HNF4G: variants seen among roughly 807,000 people sequenced by gnomAD.
HNF4G encodes hepatocyte nuclear factor 4-gamma.
A neutral mutation model predicts 50.9 loss-of-function variants in HNF4G; 21 were observed. The ratio of observed to expected loss-of-function variants is 0.41; its 90% CI spans 0.29 to 0.59. The LOEUF (loss-of-function observed/expected upper bound fraction) is 0.59, where lower values mean the gene tolerates loss of function less well. Ranked by LOEUF, HNF4G falls within the 20% of genes least tolerant of loss-of-function variation. The probability of loss-of-function intolerance (pLI) is 0.26; values close to 1 mark genes in which losing one functional copy is unlikely to be tolerated. For missense variants in HNF4G, 527 were observed against 559.4 expected (o/e 0.94, Z 0.58); for synonymous variants, 198 against 185.6 (o/e 1.07, Z -0.54).
intron 2 of HNF4G, among the ~76,000 whole-genome samples, chr8:75,523,476 C>T (rs921396658): frequency 1.4e-4 from 21 of 152,054 alleles, no homozygotes; most frequent in Admixed American, 6.6e-5. Context: ...ATTTCCCAGT[C>T]ATACACACAA....
In HNF4G at chr8:75,549,708, A is replaced by G. The variant is rs2130798567; in HGVS notation, c.383-1680A>G. ...TGTGCCATGCTGGTGTGCTGCACCC[A>G]TTAACTCATCATTTAGCATTAGGTA... On this transcript the variant is annotated intron_variant, in intron 3 of 9. Transcript: ENST00000396423. 1.3e-5 allele frequency among the ~76,000 whole-genome samples: 2 copies of G among 152,060 alleles called. 1 individual carries two copies.
At position 75,427,080 on chromosome 8, in the gene HNF4G, G is replaced by A. The variant is rs114137727; in HGVS notation, c.-144+18918G>A. Reference sequence around the variant, plus strand: ...ATTGCTATTACATGAGAAGTGAGGTGATAATAAGTAATCTTTTTAGACCAG... The same window carrying A: ...ATTGCTATTACATGAGAAGTGAGGTAATAATAAGTAATCTTTTTAGACCAG... On this transcript the variant is annotated intron_variant, in intron 1 of 10. Coordinates refer to the HNF4G transcript ENST00000354370. Among the ~76,000 whole-genome samples, 1,518 of 151,956 alleles carry A rather than the reference G, an allele frequency of 1.0e-2. 29 individuals are homozygous for A. The highest frequency in any genetic ancestry group is 0.035 in the African/African-American group (1,448 of 41,448).
rs942108641 is a variant in HNF4G at position 75,455,911 on chromosome 8, G to A, written c.-143-34178G>A. ...TCACAAAAAAAAGTCAAACCAAAAC[G>A]GAAAGGTCTTAATTTAATTAACTAA... On this transcript the variant is annotated intron_variant, in intron 1 of 10. Transcript: ENST00000354370. Among the ~76,000 whole-genome samples the A allele has an allele frequency of 5.3e-5, 8 of 152,036 alleles. No homozygotes were observed. The South Asian group carries it at 1.0e-3, about 20-fold the overall frequency.
At chr8:75,514,712 T>G (rs2130733453) in intron 2 of HNF4G, among the ~76,000 whole-genome samples, 1 of 152,252 alleles carries the variant, frequency 6.6e-6, no homozygotes, top group South Asian at 2.1e-4. Context: ...TAAAGCAGGG[T>G]TTTGTTACTG....
chr8:75,439,012 G>A (rs1416923444), intron 1 of HNF4G, among the ~76,000 whole-genome samples: 1 of 151,750 alleles, frequency 6.6e-6, no homozygotes, highest in African/African-American at 2.4e-5. Context: ...GTACTGCACC[G>A]TGCATGTGTA....
rs1052728191 is a variant in HNF4G at position 75,566,314 on chromosome 8, A to G, written c.*2218A>G. ...TCCAAAGGCCCCACCTCCTAATACCATCACTCTGGGGACTAGGTGTCAGCA... is the reference window on the plus strand; with the variant it reads ...TCCAAAGGCCCCACCTCCTAATACCGTCACTCTGGGGACTAGGTGTCAGCA... On this transcript the variant is annotated 3_prime_UTR_variant, in exon 10 of 10. Coordinates refer to ENST00000396423, the MANE Select transcript of HNF4G (RefSeq NM_004133.5). 2 of 152,192 alleles carry G rather than the reference A, an allele frequency of 1.3e-5. No individual in the cohort carries two copies. Among genetic ancestry groups the G allele is most frequent in the African/African-American group, 4.8e-5 (2 of 41,456 alleles). 9.4% of individuals were successfully genotyped at this position (152,192 alleles called of 1,614,324 possible).
At chr8:75,480,913 C>T (rs556478756) in intron 1 of HNF4G, among the ~76,000 whole-genome samples, 2 of 152,084 alleles carry the variant, frequency 1.3e-5, no homozygotes, top group Admixed American at 1.3e-4. Context: ...GACGGAGTTT[C>T]GCCATGTTGG....
intron 1 of HNF4G, among the ~76,000 whole-genome samples, chr8:75,450,033 G>A (rs890628274): frequency 5.3e-5 from 8 of 152,052 alleles, no homozygotes; most frequent in African/African-American, 1.9e-4. Flanking sequence ...CTTAGCCTCT[G>A]GTAATCACCA....
chr8:75,459,911 G>A (rs1041593775), intron 1 of HNF4G, among the ~76,000 whole-genome samples: 1 of 151,912 alleles, frequency 6.6e-6, no homozygotes, highest in African/African-American at 2.4e-5. Context: ...ATACACCATG[G>A]AATTACATAT....
intron 1 of HNF4G, among the ~76,000 whole-genome samples, chr8:75,419,348 G>A (rs1242683484): frequency 6.6e-6 from 1 of 152,114 alleles, no homozygotes; most frequent in Non-Finnish European, 1.5e-5. Flanking sequence ...TTTATAAATG[G>A]TGAGTTTTAG....
intron 2 of HNF4G, among the ~76,000 whole-genome samples, chr8:75,498,688 G>GA (rs1180858011): frequency 2.0e-5 from 3 of 151,486 alleles, no homozygotes; most frequent in South Asian, 2.1e-4. Context: ...TACAACAACA[G>GA]AAAAAAAGGA....
chr8:75,509,445 G>A (rs75503482), intron 2 of HNF4G, among the ~76,000 whole-genome samples: 40 of 152,208 alleles, frequency 2.6e-4, no homozygotes, highest in Admixed American at 2.0e-3. Context: ...GTGAGAAGCC[G>A]GAACATTCTA....
chr8:75,418,204 G>T (rs2130480663), intron 1 of HNF4G, among the ~76,000 whole-genome samples: 1 of 152,150 alleles, frequency 6.6e-6, no homozygotes. Flanking sequence ...CCCCTAGATT[G>T]GTGTGCTGTC....
chr8:75,520,636 C>T (rs139472613), intron 2 of HNF4G, among the ~76,000 whole-genome samples: 13 of 152,024 alleles, frequency 8.6e-5, no homozygotes, highest in African/African-American at 3.1e-4. Context: ...CAGGGTTTTG[C>T]CACGATGCCC....
At chr8:75,549,232 C>T (rs1197012007) in intron 3 of HNF4G, among the ~76,000 whole-genome samples, 1 of 152,066 alleles carries the variant, frequency 6.6e-6, no homozygotes, top group African/African-American at 2.4e-5. Context: ...CTCTTTTTTA[C>T]ACTAACAGCA....
intron 1 of HNF4G, among the ~76,000 whole-genome samples, chr8:75,435,782 C>T (rs1037736846): frequency 3.3e-5 from 5 of 151,868 alleles, no homozygotes; most frequent in Non-Finnish European, 5.9e-5. Flanking sequence ...TTAGTAGAGA[C>T]GGGGTTTCTC....
At chr8:75,452,430 A>G (rs1811605892) in intron 1 of HNF4G, among the ~76,000 whole-genome samples, 1 of 151,986 alleles carries the variant, frequency 6.6e-6, no homozygotes, top group Admixed American at 6.6e-5. Context: ...GAGTTTCAAG[A>G]CTAATGTGGC....
At chr8:75,456,821 G>A (rs1237772501) in intron 1 of HNF4G, among the ~76,000 whole-genome samples, 1 of 151,874 alleles carries the variant, frequency 6.6e-6, no homozygotes, top group Non-Finnish European at 1.5e-5. Flanking sequence ...ACTCACTGCA[G>A]CCTCAACTGC....
chr8:75,453,531 C>A (rs879911553), intron 1 of HNF4G, among the ~76,000 whole-genome samples: 2 of 140,672 alleles, frequency 1.4e-5, no homozygotes, highest in African/African-American at 5.1e-5. Context: ...CCAGCAGTGG[C>A]AACCTGCTAG....
Sources: allele counts gnomAD v4.1 joint callset (sites outside exome capture counted in the v4.1 genomes callset), GRCh38; gene constraint gnomAD v4.1.1; transcripts MANE v1.5; gene names NCBI Gene and HGNC (gene_info 2026-07-23, HGNC 2026-07-21).